The following COMMD10 variants were observed in gnomAD, a reference collection of about 807,000 sequenced individuals.
COMMD10 encodes COMM domain-containing protein 10.
A neutral mutation model predicts 28.9 loss-of-function variants in COMMD10; 33 were observed. The ratio of observed to expected loss-of-function variants is 1.14; its 90% confidence interval spans 0.87 to 1.53. The LOEUF (loss-of-function observed/expected upper bound fraction) is 1.53. Among genes scored for constraint, COMMD10 ranks in the 40% most tolerant of loss-of-function variants. The pLI, the probability that COMMD10 is intolerant of heterozygous loss-of-function variation, is 0.00. For synonymous variants in COMMD10, 110 were observed against 81.7 expected (o/e 1.35, Z -1.87); for missense variants, 310 against 233.4 (o/e 1.33, Z -2.14).
rs139441803 is a variant in COMMD10, at chr5:116,211,910, G to A, written c.510+77732G>A. The stretch of plus-strand genomic sequence containing the variant: ...TGTGATAGCTAACAGCACAGACTTG[G>A]ATCAGATAGAATGACATTTGACTTC... On this transcript the variant is annotated intron_variant, in intron 5 of 6. Transcript: ENST00000274458. Among the ~76,000 whole-genome samples the A allele has an allele frequency of 1.7e-3, 263 of 152,232 alleles. 3 individuals are homozygous for A. The highest frequency in any genetic ancestry group is 5.9e-3 in the African/African-American group (247 of 41,544).
chr5:116,239,523 C>A (rs1015579191), intron 5 of COMMD10, among the ~76,000 whole-genome samples: 1 of 152,080 alleles, frequency 6.6e-6, no homozygotes, highest in Non-Finnish European at 1.5e-5. Context: ...TTTTAAAAGT[C>A]AGGAAGAAAA....
chr5:116,204,014 C>A (rs1748745598), intron 5 of COMMD10, among the ~76,000 whole-genome samples: 1 of 152,056 alleles, frequency 6.6e-6, no homozygotes, highest in Admixed American at 6.6e-5. Flanking sequence ...TGCAGAGACA[C>A]ACATAGGCTC....
At chr5:116,085,119 G>T (rs1266883958) in intron 1 of COMMD10, 26 bp downstream of exon 1, 1 of 1,602,834 alleles carries the variant, frequency 6.2e-7, no homozygotes, top group Non-Finnish European at 8.5e-7. Flanking sequence ...AGCTCTTGCG[G>T]TAGCCGCGCC....
At position 116,085,031 on chromosome 5, in the gene COMMD10, C is replaced by T; in HGVS notation, c.-22C>T. On this transcript the variant is annotated 5_prime_UTR_variant, in exon 1 of 7. Coordinates refer to ENST00000274458, the MANE Select transcript of COMMD10 (RefSeq NM_016144.4). ...TGGGTTCGGCGCAGCTAACAGACGG[C>T]GGCAGTGCGAGAAAGCCGAAGATGG... is the stretch of plus-strand genomic sequence containing the variant. The T allele has an allele frequency of 6.2e-7, 1 of 1,602,568 alleles. No homozygotes were observed. Among genetic ancestry groups the T allele is most frequent in the South Asian group, 1.1e-5 (1 of 89,000 alleles).
chr5:116,177,975 T>G (rs567197862), intron 5 of COMMD10, among the ~76,000 whole-genome samples: 2 of 152,180 alleles, frequency 1.3e-5, no homozygotes, highest in African/African-American at 4.8e-5. Context: ...TTTACTCAGA[T>G]AATATGAGCA....
chr5:116,108,282 C>A (rs1407291580), intron 4 of COMMD10, among the ~76,000 whole-genome samples: 2 of 152,238 alleles, frequency 1.3e-5, no homozygotes, highest in Non-Finnish European at 2.9e-5. Context: ...ACAGCCACCC[C>A]TTTCCCCAGG....
chr5:116,180,044 T>C (rs1168801791), intron 5 of COMMD10, among the ~76,000 whole-genome samples: 1 of 152,122 alleles, frequency 6.6e-6, no homozygotes, highest in East Asian at 1.9e-4. Flanking sequence ...AAAAGATTAT[T>C]ACTCAGTATT....
At chr5:116,126,043 C>CA (rs1168209641) in intron 4 of COMMD10, among the ~76,000 whole-genome samples, 3 of 152,120 alleles carry the variant, frequency 2.0e-5, no homozygotes, top group Non-Finnish European at 2.9e-5. Flanking sequence ...TGTCTCAGCC[C>CA]AAAATCTCCT....
chr5:116,277,933 T>C (rs1257079962), intron 5 of COMMD10, among the ~76,000 whole-genome samples: 19 of 151,910 alleles, frequency 1.3e-4, no homozygotes, highest in Admixed American at 1.1e-3. Flanking sequence ...ATGAATCTAA[T>C]GCAGTCATTT....
chr5:116,256,530 A>G (rs1333010347), intron 5 of COMMD10, among the ~76,000 whole-genome samples: 1 of 151,750 alleles, frequency 6.6e-6, no homozygotes, highest in Admixed American at 6.6e-5. Context: ...AAAGAAATCA[A>G]GGATGGGCAT....
At chr5:116,217,904 C>T (rs1419220647) in intron 5 of COMMD10, 1 of 635,932 alleles carries the variant, frequency 1.6e-6, no homozygotes, top group Non-Finnish European at 2.8e-6. Flanking sequence ...TGTGTGCTAA[C>T]AGCATAGCTC....
intron 5 of COMMD10, among the ~76,000 whole-genome samples, chr5:116,168,159 A>AG (rs2112576703): frequency 4.6e-5 from 1 of 21,658 alleles, no homozygotes; most frequent in South Asian, 2.0e-3. Flanking sequence ...AATGGAAAGC[A>AG]AAAAAAAAAA....
intron 5 of COMMD10, among the ~76,000 whole-genome samples, chr5:116,154,927 T>C (rs759114530): frequency 1.3e-5 from 2 of 152,148 alleles, no homozygotes; most frequent in East Asian, 1.9e-4. Context: ...AAGTACCACA[T>C]TGGATCCCAG....
intron 5 of COMMD10, among the ~76,000 whole-genome samples, chr5:116,194,288 C>T (rs898919956): frequency 1.3e-5 from 2 of 151,924 alleles, no homozygotes; most frequent in African/African-American, 4.8e-5. Context: ...AAACCAAACC[C>T]AAACCCAGCA....
At chr5:116,264,609 G>T (rs1409635923) in intron 5 of COMMD10, among the ~76,000 whole-genome samples, 1 of 151,856 alleles carries the variant, frequency 6.6e-6, no homozygotes, top group Non-Finnish European at 1.5e-5. Flanking sequence ...AGACCCATCC[G>T]TTTACATAAC....
intron 5 of COMMD10, among the ~76,000 whole-genome samples, chr5:116,187,964 A>G (rs140096779): frequency 6.6e-6 from 1 of 152,290 alleles, no homozygotes; most frequent in East Asian, 1.9e-4. Context: ...ATAGGAACCA[A>G]GTGACAGCTT....
At chr5:116,270,156 C>T (rs976350069) in intron 5 of COMMD10, among the ~76,000 whole-genome samples, 6 of 151,708 alleles carry the variant, frequency 4.0e-5, no homozygotes, top group African/African-American at 1.5e-4. Context: ...AAGGTTTTAT[C>T]CTTTTACTAA....
chr5:116,162,520 C>T (rs190085979), intron 5 of COMMD10, among the ~76,000 whole-genome samples: 1 of 152,146 alleles, frequency 6.6e-6, no homozygotes, highest in African/African-American at 2.4e-5. Flanking sequence ...AATAAGACTG[C>T]TACTACATAG....
At chr5:116,175,139 C>A (rs1580520741) in intron 5 of COMMD10, among the ~76,000 whole-genome samples, 1 of 152,124 alleles carries the variant, frequency 6.6e-6, no homozygotes, top group East Asian at 1.9e-4. Flanking sequence ...TCCCGCATTA[C>A]TTTCTATCTC....
Sources: allele counts gnomAD v4.1 joint callset (sites outside exome capture counted in the v4.1 genomes callset), GRCh38; gene constraint gnomAD v4.1.1; transcripts MANE v1.5; gene names NCBI Gene and HGNC (gene_info 2026-07-23, HGNC 2026-07-21).